The following PGAP1 variants were observed in gnomAD, a reference collection of about 807,000 sequenced individuals.
PGAP1 encodes GPI inositol-deacylase.
PGAP1 carries 76 observed loss-of-function variants against 127.0 expected under a neutral mutation model. The observed-to-expected ratio is 0.60, with a 90% CI of 0.50 to 0.72. The LOEUF (loss-of-function observed/expected upper bound fraction) is 0.72. Ranked by LOEUF, PGAP1 falls within the 30% of genes least tolerant of loss-of-function variation. The pLI, the probability that PGAP1 is intolerant of heterozygous loss-of-function variation, is 0.00. For missense variants in PGAP1, 982 were observed against 1,071.3 expected (o/e 0.92, Z 1.16); for synonymous variants, 362 against 366.5 (o/e 0.99, Z 0.14).
chr2:196,871,882 T>G (rs1413351039), intron 18 of PGAP1, among the ~76,000 whole-genome samples: 1 of 152,162 alleles, frequency 6.6e-6, no homozygotes, highest in African/African-American at 2.4e-5. Flanking sequence ...ATCTGGAATC[T>G]AGGGGCTCTT....
chr2:196,871,009 GT>G, intron 18 of PGAP1, 30 bp from the exon 19 acceptor site: 1 of 1,507,806 alleles, frequency 6.6e-7, no homozygotes. Context: ...GAAAAAAAAG[GT>G]TATTTTCCTC....
At position 196,837,913 on chromosome 2, in the gene PGAP1, G is replaced by C. The variant is rs1576071467; in HGVS notation, c.*3321C>G. ...ATACATGATCAATATATATTGAAGA[G>C]ACTCAAACTCAATGTTAACCAGGCA... On this transcript the variant is annotated 3_prime_UTR_variant, in exon 27 of 27. Transcript: ENST00000354764. 1 of 151,984 alleles carries C rather than the reference G, an allele frequency of 6.6e-6. No individual in the cohort carries two copies. The highest frequency in any genetic ancestry group is 1.5e-5 in the Non-Finnish European group (1 of 67,994). The allele number at this position is 151,984 out of a possible 1,614,324, so 9.4% of individuals were successfully genotyped here. A position where few individuals can be genotyped will look rare whatever the true frequency, so the allele number is the denominator to read the frequency against.
intron 10 of PGAP1, among the ~76,000 whole-genome samples, chr2:196,887,704 A>G (rs1288178465): frequency 3.3e-5 from 5 of 152,246 alleles, no homozygotes; most frequent in African/African-American, 1.2e-4. Flanking sequence ...CTCTGCTCTC[A>G]TTCAGCTTAC....
chr2:196,847,259 A>G (rs1700583731), intron 21 of PGAP1, 59 bp from the exon 22 acceptor site: 7 of 1,296,910 alleles, frequency 5.4e-6, no homozygotes, highest in Non-Finnish European at 7.6e-6. Context: ...TAAGGACTTA[A>G]TATTTGAGGT....
Position 196,885,833 on chromosome 2 carries a change from C to A in PGAP1, c.1220+1G>T. ...AATGAACATGCATTCAAAAGACTTACCACATAGAAGTGCTGTTTATGCAAG... is the reference window on the plus strand; with the variant it reads ...AATGAACATGCATTCAAAAGACTTAACACATAGAAGTGCTGTTTATGCAAG... On this transcript the variant is annotated splice_donor_variant, in intron 11 of 26. Transcript: ENST00000354764. LOFTEE classifies it high-confidence loss of function. 7.1e-7 allele frequency: 1 copy of A among 1,408,154 alleles called. No individual in the cohort carries two copies. Among genetic ancestry groups the A allele is most frequent in the Non-Finnish European group, 9.3e-7 (1 of 1,076,526 alleles). 87.2% of individuals were successfully genotyped at this position (1,408,154 alleles called of 1,614,324 possible). A position where few individuals can be genotyped will look rare whatever the true frequency, so the allele number is the denominator to read the frequency against.
chr2:196,873,228 C>T (rs1278591487), intron 16 of PGAP1, among the ~76,000 whole-genome samples: 3 of 151,696 alleles, frequency 2.0e-5, no homozygotes, highest in Middle Eastern at 3.6e-3. Flanking sequence ...CAGCAGATAG[C>T]CAGTATTAAG....
chr2:196,897,588 CA>C (rs1559361361), intron 6 of PGAP1, among the ~76,000 whole-genome samples: 1 of 152,014 alleles, frequency 6.6e-6, no homozygotes, highest in Non-Finnish European at 1.5e-5. Flanking sequence ...ATAAATATAT[CA>C]GGGGCTGCCT....
intron 1 of PGAP1, among the ~76,000 whole-genome samples, chr2:196,924,066 G>A (rs751392043): frequency 6.6e-6 from 1 of 152,110 alleles, no homozygotes; most frequent in African/African-American, 2.4e-5. Flanking sequence ...AGTGAATCTG[G>A]GAAAACCAGA....
At chr2:196,879,172 C>A (rs1266277038) in intron 13 of PGAP1, among the ~76,000 whole-genome samples, 2 of 152,186 alleles carry the variant, frequency 1.3e-5, no homozygotes, top group Non-Finnish European at 2.9e-5. Context: ...CTCCTGGGTT[C>A]AAATGATTCT....
At position 196,861,337 on chromosome 2, in the gene PGAP1, A is replaced by G. The variant is rs189950967; in HGVS notation, c.1861+3650T>C. Among the ~76,000 whole-genome samples the G allele has an allele frequency of 1.7e-3, 253 of 152,318 alleles. 1 individual carries two copies. The highest frequency in any genetic ancestry group is 5.9e-3 in the African/African-American group (244 of 41,568). ...AGCAAAATGAGATAATATCAGGCTA[A>G]AAGGCTACTGCACAGCAAAGGCAAC... is the stretch of plus-strand genomic sequence containing the variant. On this transcript the variant is annotated intron_variant, in intron 20 of 26. Coordinates refer to ENST00000354764, the MANE Select transcript of PGAP1 (RefSeq NM_024989.4).
chr2:196,913,877 A>G (rs1280089580), intron 3 of PGAP1, among the ~76,000 whole-genome samples: 6 of 152,220 alleles, frequency 3.9e-5, no homozygotes, highest in Non-Finnish European at 8.8e-5. Flanking sequence ...TTGTGCAAAC[A>G]ACATGTTTTA....
At chr2:196,895,046 A>C (rs1260807527) in intron 7 of PGAP1, among the ~76,000 whole-genome samples, 1 of 152,114 alleles carries the variant, frequency 6.6e-6, no homozygotes, top group Non-Finnish European at 1.5e-5. Context: ...TGAGGGTTAG[A>C]TATCATACCT....
intron 12 of PGAP1, among the ~76,000 whole-genome samples, chr2:196,880,452 A>G (rs539224291): frequency 3.3e-5 from 5 of 152,190 alleles, no homozygotes; most frequent in African/African-American, 1.2e-4. Context: ...ATTATTTCCA[A>G]ATTTGGTGTC....
intron 6 of PGAP1, 45 bp from the exon 7 acceptor site, chr2:196,897,242 T>C (rs1702311269): frequency 8.2e-7 from 1 of 1,218,906 alleles, no homozygotes; most frequent in Non-Finnish European, 1.2e-6. Context: ...TCTTAAAACA[T>C]ATACTTTTGA....
chr2:196,856,740 A>G (rs1017725673), intron 20 of PGAP1, among the ~76,000 whole-genome samples: 1 of 152,242 alleles, frequency 6.6e-6, no homozygotes, highest in Non-Finnish European at 1.5e-5. Flanking sequence ...AAGACTTCAT[A>G]TCATGAGACC....
At chr2:196,858,408 A>C (rs917452645) in intron 20 of PGAP1, among the ~76,000 whole-genome samples, 6 of 152,278 alleles carry the variant, frequency 3.9e-5, no homozygotes, top group East Asian at 1.9e-4. Flanking sequence ...TCTCAAAAAA[A>C]AAAAATTGAC....
chr2:196,904,312 CTG>C (rs1198085162), intron 4 of PGAP1, among the ~76,000 whole-genome samples: 1 of 152,156 alleles, frequency 6.6e-6, no homozygotes, highest in Non-Finnish European at 1.5e-5. Flanking sequence ...CAAGCTCTGT[CTG>C]TACTTTCAGC....
rs1449467316 is a variant in PGAP1, at chr2:196,870,936, C to A, written c.1767+5G>T. ...AATAATCAACCAGCCAGGAATCTCTCTTACCTGTCCAAGTATTTGTGAAAA... is the reference window on the plus strand; with the variant it reads ...AATAATCAACCAGCCAGGAATCTCTATTACCTGTCCAAGTATTTGTGAAAA... On this transcript the variant is annotated splice_donor_5th_base_variant and intron_variant, in intron 19 of 26. Coordinates refer to ENST00000354764, the MANE Select transcript of PGAP1 (RefSeq NM_024989.4). 1.2e-6 allele frequency: 2 copies of A among 1,605,104 alleles called. No homozygotes were observed. The highest frequency in any genetic ancestry group is 1.7e-6 in the Non-Finnish European group (2 of 1,172,554).
At chr2:196,873,964 T>C (rs1170509398) in intron 14 of PGAP1, 1 of 442,870 alleles carries the variant, frequency 2.3e-6, no homozygotes, top group Non-Finnish European at 4.0e-6. Flanking sequence ...ATCACATCTA[T>C]CTGCTTTTAA....
Sources: allele counts gnomAD v4.1 joint callset (sites outside exome capture counted in the v4.1 genomes callset), GRCh38; gene constraint gnomAD v4.1.1; transcripts MANE v1.5; gene names NCBI Gene and HGNC (gene_info 2026-07-23, HGNC 2026-07-21).